Variants in C10orf90 observed in about 807,000 individuals in gnomAD.
C10orf90 encodes (E2-independent) E3 ubiquitin-conjugating enzyme FATS.
In C10orf90, 56 loss-of-function variants were observed where a neutral mutation model predicts 62.5. The observed-to-expected ratio is 0.90, with a 90% CI of 0.72 to 1.12. The LOEUF (loss-of-function observed/expected upper bound fraction) is 1.12. Among genes scored for constraint, C10orf90 ranks in the 50% most tolerant of loss-of-function variants. C10orf90 has a pLI of 0.00. For missense variants in C10orf90, 970 were observed against 880.4 expected, an observed-to-expected ratio of 1.10 and a Z score of -1.29; for synonymous variants, 386 against 340.4, an observed-to-expected ratio of 1.13 and a Z score of -1.47.
rs554807946 is a variant in C10orf90, at chr10:126,612,073, C to T, written c.313+34492G>A. On this transcript the variant is annotated intron_variant, in intron 2 of 9. Transcript: ENST00000488181. ...CTGTGGCTCACGCCTATAATCCCAG[C>T]ACTTTGGGAGGCTGCGGCGGACAGA... Among the ~76,000 whole-genome samples, 246 of 152,342 alleles carry T rather than the reference C, an allele frequency of 1.6e-3. 2 individuals are homozygous for T. Among genetic ancestry groups the T allele is most frequent in the South Asian group, 5.2e-3 (25 of 4,832 alleles).
intron 2 of C10orf90, among the ~76,000 whole-genome samples, chr10:126,602,940 C>T (rs181479186): frequency 7.8e-4 from 118 of 151,332 alleles, no homozygotes; most frequent in African/African-American, 2.7e-3. Flanking sequence ...ATTGGCAACT[C>T]GGAGAGAGGG....
intron 7 of C10orf90, among the ~76,000 whole-genome samples, chr10:126,450,494 CAAGT>C (rs1454994116): frequency 6.6e-6 from 1 of 152,108 alleles, no homozygotes; most frequent in East Asian, 1.9e-4. Flanking sequence ...GGCATAAAAA[CAAGT>C]AGACTGATGG....
chr10:126,634,974 G>A (rs1008742522), intron 2 of C10orf90, among the ~76,000 whole-genome samples: 2 of 152,214 alleles, frequency 1.3e-5, no homozygotes, highest in Non-Finnish European at 2.9e-5. Flanking sequence ...TGGAAGGGAA[G>A]TCCCTGACCC....
Position 126,670,543 on chromosome 10 carries a change from C to A in C10orf90, c.-63G>T. The A allele has an allele frequency of 2.3e-6, 1 of 442,542 alleles. No individual in the cohort carries two copies. The allele number at this position is 442,542 out of a possible 1,614,324, so 27.4% of individuals were successfully genotyped here. Reference sequence around the variant, plus strand: ...GCAAACACAATTTTCTTTGTTTAACCCAGGTATTGAGTGCAACAGGAGGGA... The same window carrying A: ...GCAAACACAATTTTCTTTGTTTAACACAGGTATTGAGTGCAACAGGAGGGA... On this transcript the variant is annotated 5_prime_UTR_variant, in exon 1 of 10. Transcript: ENST00000488181.
intron 7 of C10orf90, among the ~76,000 whole-genome samples, chr10:126,442,814 T>C (rs1858486782): frequency 6.6e-6 from 1 of 150,980 alleles, no homozygotes; most frequent in Non-Finnish European, 1.5e-5. Context: ...CAAGACTCTC[T>C]CAGACCACAG....
intron 2 of C10orf90, among the ~76,000 whole-genome samples, chr10:126,623,275 A>C (rs1040734946): frequency 6.6e-6 from 1 of 152,106 alleles, no homozygotes; most frequent in Admixed American, 6.5e-5. Context: ...CCTCTTGTTC[A>C]TTGGCTCCAG....
At chr10:126,628,440 T>C (rs577848726) in intron 2 of C10orf90, among the ~76,000 whole-genome samples, 116 of 152,020 alleles carry the variant, frequency 7.6e-4, no homozygotes, top group African/African-American at 2.7e-3. Context: ...ATAGGATGGA[T>C]TTGGGTGATT....
At chr10:126,482,651 C>T (rs1861226772) in intron 4 of C10orf90, among the ~76,000 whole-genome samples, 1 of 152,132 alleles carries the variant, frequency 6.6e-6, no homozygotes. Context: ...TGACTTTTCC[C>T]TGGATTAAAA....
intron 2 of C10orf90, among the ~76,000 whole-genome samples, chr10:126,638,841 G>T (rs868202140): frequency 6.6e-6 from 1 of 152,136 alleles, no homozygotes; most frequent in African/African-American, 2.4e-5. Context: ...CTCCTCCCTG[G>T]AGCCATGAGC....
chr10:126,583,960 A>T (rs902166373), intron 2 of C10orf90, among the ~76,000 whole-genome samples: 1 of 152,184 alleles, frequency 6.6e-6, no homozygotes, highest in Non-Finnish European at 1.5e-5. Flanking sequence ...TACTTAAAAA[A>T]ATACAAAAAA....
intron 2 of C10orf90, among the ~76,000 whole-genome samples, chr10:126,538,410 G>A (rs1469181861): frequency 6.6e-6 from 1 of 152,196 alleles, no homozygotes; most frequent in Non-Finnish European, 1.5e-5. Context: ...CAGGAAACTA[G>A]GAGAGAGACA....
intron 1 of C10orf90, among the ~76,000 whole-genome samples, chr10:126,662,630 C>T (rs557491567): frequency 6.6e-6 from 1 of 152,318 alleles, no homozygotes; most frequent in African/African-American, 2.4e-5. Context: ...AATGTCCTCC[C>T]CTTCCCTATT....
chr10:126,441,988 C>CA (rs1446115067), intron 7 of C10orf90, among the ~76,000 whole-genome samples: 4 of 151,536 alleles, frequency 2.6e-5, no homozygotes, highest in Admixed American at 2.0e-4. Context: ...AAAGCAAAAA[C>CA]AAAAAACAAA....
At chr10:126,638,524 G>T (rs1845998264) in intron 2 of C10orf90, among the ~76,000 whole-genome samples, 1 of 152,010 alleles carries the variant, frequency 6.6e-6, no homozygotes, top group Admixed American at 6.6e-5. Flanking sequence ...GGTCCCAGCT[G>T]GTCTCATTCT....
chr10:126,478,426 T>C (rs1861006617), intron 4 of C10orf90, among the ~76,000 whole-genome samples: 1 of 152,210 alleles, frequency 6.6e-6, no homozygotes. Context: ...TTGTTATAAT[T>C]GACTCAGCCC....
intron 2 of C10orf90, among the ~76,000 whole-genome samples, chr10:126,634,295 T>C (rs1251368933): frequency 1.3e-5 from 2 of 152,120 alleles, no homozygotes; most frequent in African/African-American, 4.8e-5. Context: ...ATTCAGTTTA[T>C]AAAAAGAAGG....
intron 2 of C10orf90, among the ~76,000 whole-genome samples, chr10:126,590,109 T>C (rs900388721): frequency 6.6e-6 from 1 of 152,102 alleles, no homozygotes; most frequent in African/African-American, 2.4e-5. Context: ...GGGCGTTACA[T>C]AATGGTAAAG....
chr10:126,487,142 CAAAAAAAAAA>C (rs1158481155), intron 4 of C10orf90, among the ~76,000 whole-genome samples: 21 of 29,460 alleles, frequency 7.1e-4, no homozygotes, highest in South Asian at 5.9e-3. Flanking sequence ...AAAACTCTGT[CAAAAAAAAAA>C]AAAAAAAAAA....
intron 2 of C10orf90, among the ~76,000 whole-genome samples, chr10:126,640,295 C>T (rs1846034809): frequency 1.3e-5 from 2 of 152,326 alleles, no homozygotes; most frequent in Non-Finnish European, 2.9e-5. Context: ...GCTCAAAGCT[C>T]TTGAAGAGCA....
Sources: allele counts gnomAD v4.1 joint callset (sites outside exome capture counted in the v4.1 genomes callset), GRCh38; gene constraint gnomAD v4.1.1; transcripts MANE v1.5; gene names NCBI Gene and HGNC (gene_info 2026-07-23, HGNC 2026-07-21).